MALRD1: variants seen among roughly 807,000 people sequenced by gnomAD.
The protein encoded by MALRD1 is MAM and LDL receptor class A domain containing 1.
In MALRD1, 247 loss-of-function variants were observed where a neutral mutation model predicts 242.1. The observed-to-expected ratio is 1.02, with a 90% CI of 0.92 to 1.13. The LOEUF (loss-of-function observed/expected upper bound fraction) is 1.13, where lower values mean the gene tolerates loss of function less well. MALRD1 is among the 50% of genes most tolerant of loss of function. The probability of loss-of-function intolerance (pLI) is 0.00; values close to 1 mark genes in which losing one functional copy is unlikely to be tolerated. For missense variants in MALRD1, 2,989 were observed against 2,533.1 expected (o/e 1.18, Z -3.86); for synonymous variants, 995 against 866.6 (o/e 1.15, Z -2.60).
intron 5 of MALRD1, among the ~76,000 whole-genome samples, chr10:19,107,094 G>T (rs2131343212): frequency 6.6e-6 from 1 of 152,024 alleles, no homozygotes; most frequent in Non-Finnish European, 1.5e-5. Context: ...GGGAAAATGT[G>T]TATTTTGTAA....
chr10:19,698,748 G>A (rs977583182), intron 38 of MALRD1, among the ~76,000 whole-genome samples: 5 of 152,134 alleles, frequency 3.3e-5, no homozygotes, highest in South Asian at 2.1e-4. Flanking sequence ...TAAAGAAAAC[G>A]TTGCTAGGAG....
At chr10:19,298,164 A>G (rs2496053) in intron 21 of MALRD1, among the ~76,000 whole-genome samples, 51,120 of 151,870 alleles carry the variant, frequency 0.34, 8,874 homozygotes, top group South Asian at 0.54. Context: ...AGAAAAGGCC[A>G]AAGGGGAAAT....
Position 19,298,087 on chromosome 10 carries a change from A to G in MALRD1, c.3419+14906A>G, listed in dbSNP as rs183552752. On this transcript the variant is annotated intron_variant, in intron 21 of 39. Coordinates refer to ENST00000454679, the MANE Select transcript of MALRD1 (RefSeq NM_001142308.3). ...ATTTAGCTCATGGTCTGCAGACTGC[A>G]CAAGAAGCATGGTGCCCGCATCTGC... Among the ~76,000 whole-genome samples the G allele has an allele frequency of 2.7e-4, 41 of 152,150 alleles. 1 individual carries two copies. The highest frequency in any genetic ancestry group is 8.4e-4 in the African/African-American group (35 of 41,520).
chr10:19,218,520 TG>T (rs1837425547), intron 18 of MALRD1, among the ~76,000 whole-genome samples: 1 of 152,176 alleles, frequency 6.6e-6, no homozygotes, highest in South Asian at 2.1e-4. Context: ...GTTAATTTCA[TG>T]AAACATGGTG....
At chr10:19,329,866 G>A (rs1054084158) in intron 23 of MALRD1, among the ~76,000 whole-genome samples, 34 of 152,148 alleles carry the variant, frequency 2.2e-4, no homozygotes, top group Non-Finnish European at 5.0e-4. Flanking sequence ...TGAGATATAA[G>A]TGATGATTTG....
intron 19 of MALRD1, among the ~76,000 whole-genome samples, chr10:19,264,230 A>T (rs925890771): frequency 3.9e-5 from 6 of 152,152 alleles, no homozygotes; most frequent in African/African-American, 1.4e-4. Context: ...GTTATGTATC[A>T]CATTTATTAA....
chr10:19,139,764 C>T (rs1243264764), intron 10 of MALRD1, among the ~76,000 whole-genome samples: 1 of 152,156 alleles, frequency 6.6e-6, no homozygotes, highest in Non-Finnish European at 1.5e-5. Flanking sequence ...AGAGCATCAG[C>T]ATTACCTGGG....
intron 36 of MALRD1, among the ~76,000 whole-genome samples, chr10:19,626,907 T>A (rs1839679705): frequency 6.6e-6 from 1 of 152,102 alleles, no homozygotes; most frequent in East Asian, 1.9e-4. Context: ...AAATAAAACT[T>A]AAAGCCAAAA....
chr10:19,053,296 T>A (rs1834563657), intron 1 of MALRD1, among the ~76,000 whole-genome samples: 1 of 152,154 alleles, frequency 6.6e-6, no homozygotes, highest in Non-Finnish European at 1.5e-5. Context: ...ATCGAAGAAG[T>A]TTTAAACAGG....
At chr10:19,565,100 G>T (rs1329048004) in intron 32 of MALRD1, among the ~76,000 whole-genome samples, 2 of 152,082 alleles carry the variant, frequency 1.3e-5, no homozygotes, top group African/African-American at 2.4e-5. Context: ...GAAATAAATA[G>T]TGAGTTAGTA....
At chr10:19,137,738 C>A (rs1245825741) in intron 10 of MALRD1, among the ~76,000 whole-genome samples, 2 of 152,022 alleles carry the variant, frequency 1.3e-5, no homozygotes, top group African/African-American at 4.8e-5. Context: ...ACAAGAGATC[C>A]CATTACTATT....
At chr10:19,603,597 C>A (rs1838468656) in intron 34 of MALRD1, among the ~76,000 whole-genome samples, 1 of 152,102 alleles carries the variant, frequency 6.6e-6, no homozygotes, top group Non-Finnish European at 1.5e-5. Context: ...GTTACTATAG[C>A]CTTGTAGTAT....
At chr10:19,221,426 C>A (rs1837550931) in intron 18 of MALRD1, among the ~76,000 whole-genome samples, 1 of 152,150 alleles carries the variant, frequency 6.6e-6, no homozygotes, top group Admixed American at 6.5e-5. Context: ...CCTGTGTGAG[C>A]AACACTCAGA....
intron 21 of MALRD1, among the ~76,000 whole-genome samples, chr10:19,293,576 A>T (rs1003542815): frequency 6.6e-6 from 1 of 152,200 alleles, no homozygotes. Flanking sequence ...AATTAACTAG[A>T]AAAGAACGAG....
At chr10:19,688,680 G>A (rs1842699127) in intron 36 of MALRD1, among the ~76,000 whole-genome samples, 1 of 152,174 alleles carries the variant, frequency 6.6e-6, no homozygotes, top group African/African-American at 2.4e-5. Context: ...CAGGGGGATG[G>A]CAGGAGAGAA....
chr10:19,501,284 T>G (rs1039413313), intron 31 of MALRD1, among the ~76,000 whole-genome samples: 4 of 152,184 alleles, frequency 2.6e-5, no homozygotes, highest in African/African-American at 7.2e-5. Context: ...ATTTGTAAGA[T>G]GTTTAGCAGC....
At chr10:19,493,730 T>G (rs1837594426) in intron 30 of MALRD1, among the ~76,000 whole-genome samples, 2 of 151,894 alleles carry the variant, frequency 1.3e-5, no homozygotes, top group Non-Finnish European at 2.9e-5. Flanking sequence ...AGAGAATTGC[T>G]TGAACCTGGG....
chr10:19,384,659 A>G (rs955804987), intron 26 of MALRD1, among the ~76,000 whole-genome samples: 1 of 134,736 alleles, frequency 7.4e-6, no homozygotes, highest in Admixed American at 8.6e-5. Context: ...ATAATATAAT[A>G]TTTACTATAT....
intron 18 of MALRD1, among the ~76,000 whole-genome samples, chr10:19,239,369 T>C (rs1485153189): frequency 2.0e-5 from 3 of 152,154 alleles, no homozygotes; most frequent in African/African-American, 7.2e-5. Context: ...TGTTGAGTTG[T>C]TTAAGTTTCT....
Sources: gnomAD v4.1 joint callset for allele counts (sites outside exome capture counted in the v4.1 genomes callset) on GRCh38, gnomAD v4.1.1 for gene constraint, MANE v1.5 for transcripts, NCBI Gene and HGNC (gene_info 2026-07-23, HGNC 2026-07-21) for gene names.